CLPB: variants seen among roughly 807,000 people sequenced by gnomAD.
The protein encoded by CLPB is ClpB family mitochondrial disaggregase.
A neutral mutation model predicts 78.4 loss-of-function variants in CLPB; 40 were observed. That is an observed-to-expected ratio of 0.51 (90% confidence interval 0.40 to 0.66). CLPB has a LOEUF of 0.66. CLPB is among the 30% of genes least tolerant of loss of function. The pLI is 0.00. For synonymous variants in CLPB, 333 were observed against 348.0 expected (o/e 0.96, Z 0.48); for missense variants, 780 against 886.9 (o/e 0.88, Z 1.53).
At chr11:72,301,531 A>G (rs561630526) in intron 11 of CLPB, among the ~76,000 whole-genome samples, 3 of 152,302 alleles carry the variant, frequency 2.0e-5, no homozygotes, top group South Asian at 2.1e-4. Context: ...TCTCGCTCTC[A>G]TGGCACCTCT....
intron 7 of CLPB, among the ~76,000 whole-genome samples, chr11:72,308,838 T>A (rs892069242): frequency 3.9e-5 from 6 of 152,132 alleles, no homozygotes; most frequent in Non-Finnish European, 8.8e-5. Flanking sequence ...GGATAAAGTT[T>A]TCCAGGATGA....
intron 4 of CLPB, among the ~76,000 whole-genome samples, chr11:72,361,531 A>T (rs1950838245): frequency 6.6e-6 from 1 of 152,234 alleles, no homozygotes; most frequent in South Asian, 2.1e-4. Flanking sequence ...AGAACCAAGC[A>T]GATTGATTAC....
At chr11:72,366,292 G>A (rs1950940889) in intron 4 of CLPB, among the ~76,000 whole-genome samples, 1 of 152,148 alleles carries the variant, frequency 6.6e-6, no homozygotes, top group African/African-American at 2.4e-5. Flanking sequence ...TTGGCTCACT[G>A]CAACTTCCGC....
At chr11:72,333,272 G>T (rs948421813) in intron 5 of CLPB, among the ~76,000 whole-genome samples, 25 of 152,336 alleles carry the variant, frequency 1.6e-4, no homozygotes, top group Admixed American at 2.6e-4. Flanking sequence ...CTAGGAAGGA[G>T]TGTGTCTGTG....
chr11:72,381,633 A>C (rs760005312), intron 3 of CLPB, among the ~76,000 whole-genome samples: 37 of 152,180 alleles, frequency 2.4e-4, no homozygotes, highest in Non-Finnish European at 4.4e-4. Flanking sequence ...TCCAGGCTTC[A>C]GGTCTGCCCT....
At chr11:72,431,425 G>A (rs1856542403) in intron 1 of CLPB, among the ~76,000 whole-genome samples, 1 of 152,200 alleles carries the variant, frequency 6.6e-6, no homozygotes, top group South Asian at 2.1e-4. Flanking sequence ...CAGACCTGGG[G>A]TCTAGCCCAG....
chr11:72,299,380 C>G (rs889255427), intron 11 of CLPB, among the ~76,000 whole-genome samples: 2 of 152,238 alleles, frequency 1.3e-5, no homozygotes, highest in African/African-American at 4.8e-5. Flanking sequence ...TCCTTACTCT[C>G]TACCAGAGAA....
intron 1 of CLPB, 157 bp from the exon 2 acceptor site, chr11:72,430,520 TC>T: frequency 1.6e-6 from 1 of 621,286 alleles, no homozygotes; most frequent in Non-Finnish European, 2.8e-6. Flanking sequence ...AATCATTCCC[TC>T]CCCACATGGT....
chr11:72,294,135 G>A lies in CLPB; in HGVS notation c.1681-9C>T. 6.2e-7 allele frequency: 1 copy of A among 1,613,380 alleles called. No homozygotes were observed. Among genetic ancestry groups the A allele is most frequent in the South Asian group, 1.1e-5 (1 of 91,000 alleles). On this transcript the variant is annotated splice_polypyrimidine_tract_variant and intron_variant, in intron 14 of 15. Coordinates refer to ENST00000538039, the MANE Select transcript of CLPB (RefSeq NM_001258392.3). ...TTGTGCCTTTGCTTGGCCTGAGATG[G>A]GTCAGATAGAAGCATGCCTGCATGT...
At chr11:72,340,474 C>G (rs2135569541) in intron 5 of CLPB, among the ~76,000 whole-genome samples, 1 of 152,312 alleles carries the variant, frequency 6.6e-6, no homozygotes, top group Non-Finnish European at 1.5e-5. Flanking sequence ...TGGGAGGGAA[C>G]ATGTCTGTGT....
At chr11:72,310,378 T>C (rs992850575) in intron 7 of CLPB, among the ~76,000 whole-genome samples, 1 of 152,140 alleles carries the variant, frequency 6.6e-6, no homozygotes, top group Non-Finnish European at 1.5e-5. Flanking sequence ...CCAGATTTTG[T>C]CTAAACTAAC....
intron 4 of CLPB, chr11:72,373,125 C>G (rs1213922265): frequency 1.2e-6 from 1 of 808,562 alleles, no homozygotes; most frequent in Non-Finnish European, 2.1e-6. Context: ...CCCTCTACCC[C>G]CAGAAGGGCC....
At chr11:72,420,693 C>A (rs957806855) in intron 2 of CLPB, among the ~76,000 whole-genome samples, 2 of 152,136 alleles carry the variant, frequency 1.3e-5, no homozygotes, top group African/African-American at 4.8e-5. Context: ...CTATGGGAAT[C>A]CACAGATACT....
At chr11:72,331,326 C>T (rs1950221564) in intron 5 of CLPB, among the ~76,000 whole-genome samples, 1 of 151,610 alleles carries the variant, frequency 6.6e-6, no homozygotes, top group African/African-American at 2.4e-5. Flanking sequence ...ATAGTGTGAA[C>T]CCGGGAGGCG....
At chr11:72,334,216 G>A (rs889516099) in intron 5 of CLPB, among the ~76,000 whole-genome samples, 3 of 152,178 alleles carry the variant, frequency 2.0e-5, no homozygotes, top group Admixed American at 6.5e-5. Flanking sequence ...AGTAGGAGTC[G>A]TGTCACTTCT....
chr11:72,410,762 C>T (rs185464761), intron 2 of CLPB: 13 of 152,304 alleles, frequency 8.5e-5, no homozygotes, highest in African/African-American at 3.1e-4. Context: ...ACATATCCTG[C>T]TCCCATCCAT....
At chr11:72,320,814 G>T (rs1444290937) in intron 6 of CLPB, among the ~76,000 whole-genome samples, 1 of 152,148 alleles carries the variant, frequency 6.6e-6, no homozygotes, top group African/African-American at 2.4e-5. Flanking sequence ...CTGGGTTCAA[G>T]CAATTCTCCT....
intron 1 of CLPB, among the ~76,000 whole-genome samples, chr11:72,431,244 CA>C (rs1479266497): frequency 2.0e-5 from 3 of 152,198 alleles, no homozygotes. Flanking sequence ...TCAAATAGCT[CA>C]ATACCAGGTA....
chr11:72,421,225 T>C (rs1590929102), intron 2 of CLPB, among the ~76,000 whole-genome samples: 1 of 152,052 alleles, frequency 6.6e-6, no homozygotes, highest in African/African-American at 2.4e-5. Context: ...GCAGGTGGGG[T>C]TCCCTCTCTT....
Sources: gnomAD v4.1 joint callset for allele counts (sites outside exome capture counted in the v4.1 genomes callset) on GRCh38, gnomAD v4.1.1 for gene constraint, MANE v1.5 for transcripts, NCBI Gene and HGNC (gene_info 2026-07-23, HGNC 2026-07-21) for gene names.